The following PDLIM3 variants were observed in gnomAD, a reference collection of about 807,000 sequenced individuals.
The protein encoded by PDLIM3 is PDZ and LIM domain protein 3.
Under a neutral mutation model 37.3 loss-of-function variants are expected in PDLIM3, and 36 were observed. That is an observed-to-expected ratio of 0.97 (90% CI 0.74 to 1.28). PDLIM3 has a LOEUF of 1.28. Ranked by LOEUF, PDLIM3 falls within the 50% of genes most tolerant of loss-of-function variation. PDLIM3 has a pLI of 0.00. For synonymous variants in PDLIM3, 174 were observed against 182.4 expected (o/e 0.95, Z 0.37); for missense variants, 454 against 485.0 (o/e 0.94, Z 0.60).
intron 5 of PDLIM3, chr4:185,507,168 A>G (rs1421704713): frequency 1.3e-5 from 2 of 153,434 alleles, no homozygotes; most frequent in Admixed American, 6.4e-5. Flanking sequence ...ACCCCTGGAA[A>G]TAACAAGGGT....
Position 185,535,496 on chromosome 4 carries a change from G to C in PDLIM3, c.-62C>G. Reference sequence around the variant, plus strand: ...CCGCGCAGGGCAGCCACTCCGCGCCGGGCGGCGTCCTGGCCCCGACCCGGG... The same window carrying C: ...CCGCGCAGGGCAGCCACTCCGCGCCCGGCGGCGTCCTGGCCCCGACCCGGG... On this transcript the variant is annotated 5_prime_UTR_variant, in exon 1 of 8. Coordinates refer to ENST00000284767, the MANE Select transcript of PDLIM3 (RefSeq NM_014476.6). 1.4e-6 allele frequency: 2 copies of C among 1,442,236 alleles called. No individual in the cohort carries two copies. The highest frequency in any genetic ancestry group is 2.7e-5 in the East Asian group (1 of 37,074). The allele number at this position is 1,442,236 out of a possible 1,614,324, so 89.3% of individuals were successfully genotyped here.
chr4:185,514,408 G>A lies in PDLIM3; in HGVS notation c.331-71C>T. 6.2e-7 allele frequency: 1 copy of A among 1,613,766 alleles called. No homozygotes were observed. Among genetic ancestry groups the A allele is most frequent in the Non-Finnish European group, 8.5e-7 (1 of 1,179,914 alleles). On this transcript the variant is annotated intron_variant, in intron 3 of 7. Coordinates refer to ENST00000284767, the MANE Select transcript of PDLIM3 (RefSeq NM_014476.6). The surrounding 1 kb of genome is among the most constrained non-coding windows in gnomAD (Gnocchi z 4.0). ...CTGTTGCAGATAAGATTAAACGAAC[G>A]ATAGTTGTACAGGGAGGATCATTTA... is the stretch of plus-strand genomic sequence containing the variant.
chr4:185,506,005 C>T (rs891949199), intron 6 of PDLIM3, among the ~76,000 whole-genome samples: 7 of 151,740 alleles, frequency 4.6e-5, no homozygotes, highest in African/African-American at 1.5e-4. Flanking sequence ...GGCTATGTGG[C>T]CTTTCACAAG....
intron 7 of PDLIM3, among the ~76,000 whole-genome samples, 192 bp from the exon 8 acceptor site, chr4:185,502,675 C>G (rs1488431733): frequency 6.6e-6 from 1 of 152,172 alleles, no homozygotes; most frequent in East Asian, 1.9e-4. Flanking sequence ...CCACAATAAA[C>G]CATCCCGTGT....
chr4:185,502,781 G>A (rs953820213), intron 7 of PDLIM3, among the ~76,000 whole-genome samples: 1 of 152,092 alleles, frequency 6.6e-6, no homozygotes, highest in Admixed American at 6.5e-5. Context: ...TTTCCCCATC[G>A]TTTCTTTGAA....
At chr4:185,525,232 C>T in intron 1 of PDLIM3, 61 bp from the exon 2 acceptor site, 2 of 1,530,428 alleles carry the variant, frequency 1.3e-6, no homozygotes, top group East Asian at 2.2e-5. Flanking sequence ...AGTTTTGTGC[C>T]TGACATTTGT....
At chr4:185,524,228 G>T (rs1580260451) in intron 2 of PDLIM3, among the ~76,000 whole-genome samples, 1 of 152,218 alleles carries the variant, frequency 6.6e-6, no homozygotes, top group South Asian at 2.1e-4. Context: ...GGCTCCTAAG[G>T]GACTGTGTGC....
At chr4:185,528,021 G>A (rs1453894977) in intron 1 of PDLIM3, among the ~76,000 whole-genome samples, 2 of 151,912 alleles carry the variant, frequency 1.3e-5, no homozygotes, top group East Asian at 1.9e-4. Flanking sequence ...ACCACTGCAC[G>A]CCAGCCTGGG....
At chr4:185,506,125 C>T (rs911604051) in intron 6 of PDLIM3, among the ~76,000 whole-genome samples, 4 of 142,924 alleles carry the variant, frequency 2.8e-5, no homozygotes, top group Non-Finnish European at 5.9e-5. Flanking sequence ...ATACTTTGCA[C>T]AGAACATGGA....
At position 185,519,210 on chromosome 4, in the gene PDLIM3, TG is replaced by T. The variant is rs1388768685; in HGVS notation, c.330+4151del. ...GAGTTGATCTAAACAACAACTAACG[TG>T]CCCTTTAAGCCTAAGATTCAAGTCT... On this transcript the variant is annotated intron_variant, in intron 3 of 7. Coordinates refer to ENST00000284767, the MANE Select transcript of PDLIM3 (RefSeq NM_014476.6). Among the ~76,000 whole-genome samples, 7 of 152,354 alleles carry T rather than the reference TG, an allele frequency of 4.6e-5. No homozygotes were observed. The East Asian group carries it at 1.2e-3, about 25-fold the overall frequency.
chr4:185,502,601 C>A (rs1435842300), intron 7 of PDLIM3, 118 bp from the exon 8 acceptor site: 2 of 919,076 alleles, frequency 2.2e-6, no homozygotes, highest in Non-Finnish European at 3.5e-6. Context: ...AAACAATGGC[C>A]TCCAGCTGTG....
At chr4:185,502,521 C>T (rs1386319382) in intron 7 of PDLIM3, 38 bp from the exon 8 acceptor site, 1 of 1,595,094 alleles carries the variant, frequency 6.3e-7, no homozygotes, top group South Asian at 1.1e-5. Context: ...TAAAAAACCA[C>T]AGAGCAAAAA....
chr4:185,525,706 A>C (rs2095732728), intron 1 of PDLIM3, among the ~76,000 whole-genome samples: 1 of 152,170 alleles, frequency 6.6e-6, no homozygotes, highest in Admixed American at 6.5e-5. Flanking sequence ...TTGGGGGGTA[A>C]TTAGGTCAGA....
chr4:185,514,537 C>A lies in PDLIM3; in HGVS notation c.331-200G>T. Reference sequence around the variant, plus strand: ...ACGGTCAGGCACTGGCGGATTGGACCCCACAACAATTAGAACATGTTTTAG... The same window carrying A: ...ACGGTCAGGCACTGGCGGATTGGACACCACAACAATTAGAACATGTTTTAG... On this transcript the variant is annotated intron_variant, in intron 3 of 7. Coordinates refer to ENST00000284767, the MANE Select transcript of PDLIM3 (RefSeq NM_014476.6). This position sits in a 1 kb window ranked among gnomAD's most constrained non-coding sequence, Gnocchi z 4.0. 4 of 1,262,314 alleles carry A rather than the reference C, an allele frequency of 3.2e-6. No individual in the cohort carries two copies. The South Asian group carries it at 4.2e-5, about 13-fold the overall frequency. The allele number at this position is 1,262,314 out of a possible 1,614,324, so 78.2% of individuals were successfully genotyped here.
At position 185,514,612 on chromosome 4, in the gene PDLIM3, A is replaced by G; in HGVS notation, c.331-275T>C. 1 of 1,361,708 alleles carries G rather than the reference A, an allele frequency of 7.3e-7. No individual in the cohort carries two copies. The highest frequency in any genetic ancestry group is 9.9e-7 in the Non-Finnish European group (1 of 1,011,442). 84.4% of individuals were successfully genotyped at this position (1,361,708 alleles called of 1,614,324 possible). A position where few individuals can be genotyped will look rare whatever the true frequency, so the allele number is the denominator to read the frequency against. ...TGATAGTGCCTTCAGGAAAGTAAAA[A>G]TAAAACAGCAAGAGCTGGACTTTTG... On this transcript the variant is annotated intron_variant, in intron 3 of 7. Coordinates refer to ENST00000284767, the MANE Select transcript of PDLIM3 (RefSeq NM_014476.6). The surrounding 1 kb of genome is among the most constrained non-coding windows in gnomAD (Gnocchi z 4.0).
Position 185,504,759 on chromosome 4 carries a change from A to T in PDLIM3, c.794-173T>A, listed in dbSNP as rs2095693907. Among the ~76,000 whole-genome samples, 1 of 152,224 alleles carries T rather than the reference A, an allele frequency of 6.6e-6. No homozygotes were observed. Among genetic ancestry groups the T allele is most frequent in the Non-Finnish European group, 1.5e-5 (1 of 68,042 alleles). On this transcript the variant is annotated intron_variant, in intron 6 of 7. Coordinates refer to ENST00000284767, the MANE Select transcript of PDLIM3 (RefSeq NM_014476.6). The surrounding 1 kb of genome is among the most constrained non-coding windows in gnomAD (Gnocchi z 4.7). ...GCTGTTCTGAAATAGGGCATTATAG[A>T]ATGGAATTAGTGAAAACATTTATTT...
chr4:185,525,553 G>T (rs1026550788), intron 1 of PDLIM3, among the ~76,000 whole-genome samples: 7 of 152,150 alleles, frequency 4.6e-5, no homozygotes, highest in African/African-American at 1.7e-4. Context: ...GGTTGAAACT[G>T]CTTTCAATCC....
chr4:185,528,877 T>C (rs1433465201), intron 1 of PDLIM3, among the ~76,000 whole-genome samples: 1 of 152,244 alleles, frequency 6.6e-6, no homozygotes, highest in Non-Finnish European at 1.5e-5. Context: ...CTGATTTTAC[T>C]AAGTTAAACG....
chr4:185,519,637 CAT>C (rs1240708467), intron 3 of PDLIM3, among the ~76,000 whole-genome samples: 10 of 152,064 alleles, frequency 6.6e-5, no homozygotes, highest in African/African-American at 2.4e-4. Flanking sequence ...TTCCTATAAC[CAT>C]ATAAGAAAAT....
Sources: allele counts gnomAD v4.1 joint callset (sites outside exome capture counted in the v4.1 genomes callset), GRCh38; gene constraint gnomAD v4.1.1; non-coding constraint Gnocchi (gnomAD v3.1); transcripts MANE v1.5; gene names NCBI Gene and HGNC (gene_info 2026-07-23, HGNC 2026-07-21).